Variants in TLK1 observed in about 807,000 individuals in gnomAD.
TLK1 encodes tousled like kinase 1.
In TLK1, 24 loss-of-function variants were observed where a neutral mutation model predicts 105.3. The ratio of observed to expected loss-of-function variants is 0.23; its 90% CI spans 0.17 to 0.32. The LOEUF is 0.32. Ranked by LOEUF, TLK1 falls within the 10% of genes least tolerant of loss-of-function variation. The pLI is 1.00. For missense variants in TLK1, 558 were observed against 910.5 expected, an observed-to-expected ratio of 0.61 and a Z score of 4.98; for synonymous variants, 321 against 310.4, an observed-to-expected ratio of 1.03 and a Z score of -0.36.
At chr2:171,075,735 G>A (rs1053073590) in intron 3 of TLK1, among the ~76,000 whole-genome samples, 3 of 152,104 alleles carry the variant, frequency 2.0e-5, no homozygotes, top group Non-Finnish European at 4.4e-5. Flanking sequence ...CATCCAAAAC[G>A]AGAAGAGGAA....
intron 4 of TLK1, 78 bp from the exon 5 acceptor site, chr2:171,058,275 G>T: frequency 1.6e-6 from 2 of 1,262,336 alleles, no homozygotes; most frequent in Non-Finnish European, 2.3e-6. Context: ...CAGGACATCA[G>T]CTATCAATTT....
intron 1 of TLK1, among the ~76,000 whole-genome samples, chr2:171,217,495 C>G (rs1410559359): frequency 2.0e-5 from 3 of 152,144 alleles, no homozygotes; most frequent in Non-Finnish European, 4.4e-5. Flanking sequence ...TTCCTTGCCC[C>G]CCTCTGGTGG....
intron 2 of TLK1, among the ~76,000 whole-genome samples, chr2:171,098,709 C>T (rs1331730414): frequency 6.6e-6 from 1 of 152,076 alleles, no homozygotes; most frequent in Non-Finnish European, 1.5e-5. Flanking sequence ...AATATGGATG[C>T]AAAAATCCTC....
At chr2:171,055,203 C>CAAAAAAAAAAAAAAAAAAAAAAAAAA (rs71399594) in intron 6 of TLK1, 31 bp from the exon 7 acceptor site, 1 of 470,914 alleles carries the variant, frequency 2.1e-6, no homozygotes, top group Non-Finnish European at 3.1e-6. Flanking sequence ...TTTATATTAG[C>CAAAAAAAAAAAAAAAAAAAAAAAAAA]AAAAAAAAAA....
At chr2:171,192,410 T>G (rs927554986) in intron 1 of TLK1, among the ~76,000 whole-genome samples, 3 of 152,128 alleles carry the variant, frequency 2.0e-5, no homozygotes, top group African/African-American at 7.2e-5. Context: ...CCAGGCGCGG[T>G]GGCTCACGCC....
rs1203601588 is a variant in TLK1, at chr2:171,011,353, C to A, written c.1416+20G>T. The A allele has an allele frequency of 1.3e-6, 2 of 1,580,748 alleles. No homozygotes were observed. The highest frequency in any genetic ancestry group is 1.7e-6 in the Non-Finnish European group (2 of 1,160,800). On this transcript the variant is annotated intron_variant, in intron 14 of 20. Coordinates refer to ENST00000431350, the MANE Select transcript of TLK1 (RefSeq NM_012290.5). ...CCTTGCTACATTAGTGTAAAAAAAA[C>A]AGAATAAAACATACATTACCTTATA...
intron 1 of TLK1, among the ~76,000 whole-genome samples, chr2:171,150,828 T>C (rs924327938): frequency 2.6e-5 from 4 of 152,210 alleles, no homozygotes; most frequent in African/African-American, 9.7e-5. Flanking sequence ...TTTTTTAACT[T>C]AACAAAGTCG....
At chr2:171,131,472 T>C (rs1050866144) in intron 1 of TLK1, among the ~76,000 whole-genome samples, 1 of 152,232 alleles carries the variant, frequency 6.6e-6, no homozygotes, top group African/African-American at 2.4e-5. Context: ...CAAAGTTCTA[T>C]AGTCATATGC....
At chr2:171,187,630 T>C (rs926710895) in intron 1 of TLK1, among the ~76,000 whole-genome samples, 1 of 152,192 alleles carries the variant, frequency 6.6e-6, no homozygotes, top group Non-Finnish European at 1.5e-5. Flanking sequence ...AGCTACTGGC[T>C]TTTGAGTTCC....
chr2:171,191,805 A>T (rs1267824070), intron 1 of TLK1, among the ~76,000 whole-genome samples: 1 of 152,092 alleles, frequency 6.6e-6, no homozygotes, highest in East Asian at 1.9e-4. Context: ...AGGCCAATAT[A>T]CTTTCCTAAA....
chr2:171,120,953 TATTC>T (rs1690629373), intron 1 of TLK1, among the ~76,000 whole-genome samples: 1 of 152,292 alleles, frequency 6.6e-6, no homozygotes, highest in Admixed American at 6.5e-5. Flanking sequence ...AATGGAATAT[TATTC>T]AGCCTGAAAA....
chr2:171,122,103 C>T (rs1237311163), intron 1 of TLK1, among the ~76,000 whole-genome samples: 1 of 152,138 alleles, frequency 6.6e-6, no homozygotes, highest in Non-Finnish European at 1.5e-5. Context: ...CTCACCACCA[C>T]GCCCAGCTAA....
At chr2:171,204,732 G>A (rs1416363778) in intron 1 of TLK1, among the ~76,000 whole-genome samples, 1 of 152,192 alleles carries the variant, frequency 6.6e-6, no homozygotes, top group Non-Finnish European at 1.5e-5. Flanking sequence ...GCTGAAGTGG[G>A]TAGATCAGTT....
chr2:171,008,990 A>G (rs1684775201), intron 14 of TLK1, among the ~76,000 whole-genome samples: 1 of 152,230 alleles, frequency 6.6e-6, no homozygotes, highest in Admixed American at 6.5e-5. Flanking sequence ...CAGCTGAACT[A>G]TCATGATAAT....
upstream of TLK1, among the ~76,000 whole-genome samples, chr2:171,161,161 CG>C (rs1165543418): frequency 4.2e-5 from 6 of 143,616 alleles, no homozygotes; most frequent in Non-Finnish European, 9.1e-5. Context: ...CTCGCGTGCG[CG>C]GGGGCAGCGT....
chr2:171,140,436 C>G (rs898507356), intron 1 of TLK1, among the ~76,000 whole-genome samples: 2 of 151,176 alleles, frequency 1.3e-5, no homozygotes, highest in Non-Finnish European at 2.9e-5. Context: ...CTACAGGCAT[C>G]TGCTGATTTA....
intron 11 of TLK1, among the ~76,000 whole-genome samples, chr2:171,038,056 T>C (rs1686460532): frequency 6.6e-6 from 1 of 152,228 alleles, no homozygotes; most frequent in African/African-American, 2.4e-5. Context: ...ATGTGGATTT[T>C]GTTTCTTCTA....
intron 1 of TLK1, among the ~76,000 whole-genome samples, chr2:171,175,449 G>A (rs1475440048): frequency 6.6e-6 from 1 of 152,082 alleles, no homozygotes; most frequent in Admixed American, 6.5e-5. Context: ...AAGTAATCTA[G>A]AGATGATTTA....
chr2:171,165,879 C>A (rs1692599538), upstream of TLK1, among the ~76,000 whole-genome samples: 1 of 152,134 alleles, frequency 6.6e-6, no homozygotes. Flanking sequence ...CCACTGCACT[C>A]CAGCCTGGGC....
Sources: allele counts gnomAD v4.1 joint callset (sites outside exome capture counted in the v4.1 genomes callset), GRCh38; gene constraint gnomAD v4.1.1; transcripts MANE v1.5; gene names NCBI Gene and HGNC (gene_info 2026-07-23, HGNC 2026-07-21).